PAQR3: variants seen among roughly 807,000 people sequenced by gnomAD.
The protein encoded by PAQR3 is progestin and adipoQ receptor family member 3, also known as Raf kinase trapping to Golgi.
PAQR3 carries 39 observed loss-of-function variants against 41.7 expected under a neutral mutation model. That is an observed-to-expected ratio of 0.93 (90% CI 0.72 to 1.22). The LOEUF (loss-of-function observed/expected upper bound fraction) is 1.22, where lower values mean the gene tolerates loss of function less well. Ranked by LOEUF, PAQR3 falls within the 50% of genes most tolerant of loss-of-function variation. The pLI, the probability that PAQR3 is intolerant of heterozygous loss-of-function variation, is 0.00. For missense variants in PAQR3, 366 were observed against 385.6 expected (o/e 0.95, Z 0.42); for synonymous variants, 140 against 140.6 (o/e 1.00, Z 0.03).
At chr4:78,909,055 C>CTTTTTT (rs1053664659), downstream of PAQR3, among the ~76,000 whole-genome samples, 150 of 94,388 alleles carry the variant, frequency 1.6e-3, no homozygotes, top group Non-Finnish European at 2.0e-3. Flanking sequence ...TTCCCTTAGT[C>CTTTTTT]TTTTTTTTTT....
intron 11 of PAQR3, among the ~76,000 whole-genome samples, chr4:78,902,781 C>T (rs1339074744): frequency 2.0e-5 from 3 of 151,952 alleles, no homozygotes; most frequent in South Asian, 2.1e-4. Flanking sequence ...TCTAGAAGAG[C>T]GGTAATATGC....
chr4:78,908,216 T>C (rs1192433142), downstream of PAQR3, among the ~76,000 whole-genome samples: 1 of 152,196 alleles, frequency 6.6e-6, no homozygotes, highest in Non-Finnish European at 1.5e-5. Context: ...TTCACATACT[T>C]GTCTCCCACA....
downstream of PAQR3, chr4:78,911,193 A>G: frequency 6.2e-7 from 1 of 1,613,820 alleles, no homozygotes; most frequent in Non-Finnish European, 8.5e-7. Flanking sequence ...ACCTCCCTCA[A>G]CACAGGTTTC....
In PAQR3 at chr4:78,911,884, CA is replaced by C. The variant is rs1173336107; in HGVS notation, c.*8654del. ...ACAAAATTCACTACATGGGTCATTC[CA>C]TAGTGCAGATGTATTGAAAATGGAT... On this transcript the variant is annotated 3_prime_UTR_variant, in exon 6 of 6. Transcript: ENST00000512733. 6.2e-7 allele frequency: 1 copy of C among 1,613,938 alleles called. No homozygotes were observed. The highest frequency in any genetic ancestry group is 1.7e-5 in the Admixed American group (1 of 60,002).
chr4:78,901,789 T>C (rs1734019880), intron 11 of PAQR3, among the ~76,000 whole-genome samples: 1 of 152,146 alleles, frequency 6.6e-6, no homozygotes, highest in African/African-American at 2.4e-5. Flanking sequence ...ATTCTAAAAT[T>C]GTATTTGAAG....
Position 78,912,001 on chromosome 4 carries a change from T to C in PAQR3, c.*8538A>G, listed in dbSNP as rs778223705. On this transcript the variant is annotated 3_prime_UTR_variant, in exon 6 of 6. Coordinates refer to ENST00000512733, the MANE Select transcript of PAQR3 (RefSeq NM_001040202.2). ...GTCCCAACCAGTCGAATTAGACCCATTTGGTGCTGCTCCATTTCCTTCTAA... is the reference window on the plus strand; with the variant it reads ...GTCCCAACCAGTCGAATTAGACCCACTTGGTGCTGCTCCATTTCCTTCTAA... The C allele has an allele frequency of 6.2e-7, 1 of 1,613,172 alleles. No homozygotes were observed. Among genetic ancestry groups the C allele is most frequent in the South Asian group, 1.1e-5 (1 of 90,956 alleles).
At chr4:78,894,264 A>G (rs1733586019) in intron 11 of PAQR3, among the ~76,000 whole-genome samples, 1 of 152,242 alleles carries the variant, frequency 6.6e-6, no homozygotes, top group Non-Finnish European at 1.5e-5. Flanking sequence ...GAATCTTTGA[A>G]GCCAGACATG....
At chr4:78,911,582 A>T (rs1381211703), downstream of PAQR3, 1 of 1,613,908 alleles carries the variant, frequency 6.2e-7, no homozygotes, top group Non-Finnish European at 8.5e-7. Flanking sequence ...AAGCCTACCT[A>T]TCGCACTCCA....
rs2110117100 is a variant in PAQR3 at position 78,914,715 on chromosome 4, A to T, written c.*5824T>A. 6.7e-6 allele frequency: 1 copy of T among 149,692 alleles called. No individual in the cohort carries two copies. Among genetic ancestry groups the T allele is most frequent in the African/African-American group, 2.5e-5 (1 of 40,668 alleles). 9.3% of individuals were successfully genotyped at this position (149,692 alleles called of 1,614,324 possible). A position where few individuals can be genotyped will look rare whatever the true frequency, so the allele number is the denominator to read the frequency against. ...AAAGGTTATTATATATGTACCACTA[A>T]GCAAATATATATATATATATATATT... On this transcript the variant is annotated 3_prime_UTR_variant, in exon 6 of 6. Coordinates refer to ENST00000512733, the MANE Select transcript of PAQR3 (RefSeq NM_001040202.2).
At chr4:78,931,374 G>A (rs1473145172) in intron 2 of PAQR3, among the ~76,000 whole-genome samples, 3 of 151,840 alleles carry the variant, frequency 2.0e-5, no homozygotes. Flanking sequence ...TCCAGCCTAG[G>A]TGACAGAGTG....
At chr4:78,938,931 C>T in intron 1 of PAQR3, 109 bp downstream of exon 1, 1 of 1,082,324 alleles carries the variant, frequency 9.2e-7, no homozygotes, top group Non-Finnish European at 1.3e-6. Context: ...GATGGGGCGG[C>T]GAGGAAATGA....
rs1734643191 is a variant in PAQR3, at chr4:78,911,914, T to G, written c.*8625A>C. On this transcript the variant is annotated 3_prime_UTR_variant, in exon 6 of 6. Transcript: ENST00000512733. ...TGCAGATGTATTGAAAATGGATGAT[T>G]TTGGTGCCGTGCCCTTTACAGAACT... 6.2e-7 allele frequency: 1 copy of G among 1,613,850 alleles called. No individual in the cohort carries two copies. Among genetic ancestry groups the G allele is most frequent in the African/African-American group, 1.3e-5 (1 of 74,922 alleles).
chr4:78,919,931 A>G lies in PAQR3; in HGVS notation c.*608T>C, dbSNP rs1004505655. 18 of 985,034 alleles carry G rather than the reference A, an allele frequency of 1.8e-5. No homozygotes were observed. Among genetic ancestry groups the G allele is most frequent in the Non-Finnish European group, 2.2e-5 (18 of 829,406 alleles). 61.0% of individuals were successfully genotyped at this position (985,034 alleles called of 1,614,324 possible). On this transcript the variant is annotated 3_prime_UTR_variant, in exon 6 of 6. Coordinates refer to ENST00000512733, the MANE Select transcript of PAQR3 (RefSeq NM_001040202.2). ...CTCAACCCTTCTCTCAACTTACTGC[A>G]GAAGTTTAAAGCTTTTGTTCTGGAA...
intron 11 of PAQR3, among the ~76,000 whole-genome samples, chr4:78,901,107 A>G (rs1733976564): frequency 6.6e-6 from 1 of 152,152 alleles, no homozygotes; most frequent in South Asian, 2.1e-4. Context: ...CAGTGGCGTG[A>G]TCATAGGCTT....
Position 78,919,448 on chromosome 4 carries a change from T to C in PAQR3, c.*1091A>G. The C allele has an allele frequency of 1.0e-6, 1 of 984,824 alleles. No individual in the cohort carries two copies. The highest frequency in any genetic ancestry group is 1.2e-6 in the Non-Finnish European group (1 of 829,468). 61.0% of individuals were successfully genotyped at this position (984,824 alleles called of 1,614,324 possible). A position where few individuals can be genotyped will look rare whatever the true frequency, so the allele number is the denominator to read the frequency against. On this transcript the variant is annotated 3_prime_UTR_variant, in exon 6 of 6. Coordinates refer to ENST00000512733, the MANE Select transcript of PAQR3 (RefSeq NM_001040202.2). Reference sequence around the variant, plus strand: ...ATACAATAAAAAGAAAGTTTAATGCTTCAGGCCCAAATATTAAGTGTTTAT... The same window carrying C: ...ATACAATAAAAAGAAAGTTTAATGCCTCAGGCCCAAATATTAAGTGTTTAT...
At position 78,918,744 on chromosome 4, in the gene PAQR3, C is replaced by T. The variant is rs1398472258; in HGVS notation, c.*1795G>A. ...TTTTATAATAAAAATGGCTCCACAC[C>T]TAAAATAATGATTTTCCCCTCATTT... On this transcript the variant is annotated 3_prime_UTR_variant, in exon 6 of 6. Transcript: ENST00000512733. 1 of 980,588 alleles carries T rather than the reference C, an allele frequency of 1.0e-6. No individual in the cohort carries two copies. The highest frequency in any genetic ancestry group is 1.8e-5 in the African/African-American group (1 of 56,998). 60.7% of individuals were successfully genotyped at this position (980,588 alleles called of 1,614,324 possible). A position where few individuals can be genotyped will look rare whatever the true frequency, so the allele number is the denominator to read the frequency against.
At position 78,914,992 on chromosome 4, in the gene PAQR3, T is replaced by G. The variant is rs1306752922; in HGVS notation, c.*5547A>C. On this transcript the variant is annotated 3_prime_UTR_variant, in exon 6 of 6. Coordinates refer to ENST00000512733, the MANE Select transcript of PAQR3 (RefSeq NM_001040202.2). ...AAATGTTAGTATTAAAAAGATCAGCTTTTTATGGCATTGAAGAATGTATCT... is the reference window on the plus strand; with the variant it reads ...AAATGTTAGTATTAAAAAGATCAGCGTTTTATGGCATTGAAGAATGTATCT... 5 of 152,022 alleles carry G rather than the reference T, an allele frequency of 3.3e-5. No individual in the cohort carries two copies. Among genetic ancestry groups the G allele is most frequent in the African/African-American group, 4.8e-5 (2 of 41,408 alleles). The allele number at this position is 152,022 out of a possible 1,614,324, so 9.4% of individuals were successfully genotyped here.
At chr4:78,930,952 C>T (rs1215491351) in intron 2 of PAQR3, among the ~76,000 whole-genome samples, 1 of 151,440 alleles carries the variant, frequency 6.6e-6, no homozygotes, top group Non-Finnish European at 1.5e-5. Flanking sequence ...GCATTCTGTT[C>T]CACAATTGGC....
chr4:78,893,111 A>C (rs1010952032), intron 11 of PAQR3, among the ~76,000 whole-genome samples: 3 of 152,238 alleles, frequency 2.0e-5, no homozygotes, highest in Non-Finnish European at 2.9e-5. Context: ...CTCAAACCAT[A>C]CCATTGCTTT....
Sources: gnomAD v4.1 joint callset for allele counts (sites outside exome capture counted in the v4.1 genomes callset) on GRCh38, gnomAD v4.1.1 for gene constraint, MANE v1.5 for transcripts, NCBI Gene and HGNC (gene_info 2026-07-23, HGNC 2026-07-21) for gene names.